TRIM44: variants seen among roughly 807,000 people sequenced by gnomAD.
TRIM44 encodes the protein tripartite motif containing 44.
A neutral mutation model predicts 37.4 loss-of-function variants in TRIM44; 13 were observed. The observed-to-expected ratio is 0.35, with a 90% CI of 0.23 to 0.55. TRIM44 has a LOEUF of 0.55. Among genes scored for constraint, TRIM44 ranks in the 20% least tolerant of loss-of-function variants. The pLI is 0.89. For synonymous variants in TRIM44, 175 were observed against 157.2 expected (o/e 1.11, Z -0.85); for missense variants, 426 against 437.2 (o/e 0.97, Z 0.23).
chr11:35,787,663 C>T (rs1853147729), intron 4 of TRIM44, among the ~76,000 whole-genome samples: 1 of 152,216 alleles, frequency 6.6e-6, no homozygotes, highest in Non-Finnish European at 1.5e-5. Context: ...TACTTGCCTT[C>T]AAGCAGCAGT....
chr11:35,728,867 A>T (rs549253580), intron 3 of TRIM44, among the ~76,000 whole-genome samples: 2 of 152,180 alleles, frequency 1.3e-5, no homozygotes, highest in African/African-American at 4.8e-5. Flanking sequence ...CATCTTTTCA[A>T]CCTTCCACTC....
intron 1 of TRIM44, among the ~76,000 whole-genome samples, chr11:35,682,719 G>A (rs1219113932): frequency 6.6e-6 from 1 of 152,138 alleles, no homozygotes; most frequent in Non-Finnish European, 1.5e-5. Flanking sequence ...CGATGCTGCT[G>A]ATGCTTTGTG....
chr11:35,668,760 C>T (rs1232121449), intron 1 of TRIM44, among the ~76,000 whole-genome samples: 1 of 152,178 alleles, frequency 6.6e-6, no homozygotes, highest in Non-Finnish European at 1.5e-5. Context: ...TATTGTTTTA[C>T]ATAGTATTTT....
At chr11:35,676,765 T>C (rs1357218603) in intron 1 of TRIM44, among the ~76,000 whole-genome samples, 1 of 152,190 alleles carries the variant, frequency 6.6e-6, no homozygotes, top group East Asian at 1.9e-4. Flanking sequence ...GTGTGAACCC[T>C]GGCAGGCTCT....
chr11:35,776,941 G>C (rs562558773), intron 4 of TRIM44, among the ~76,000 whole-genome samples: 176 of 152,328 alleles, frequency 1.2e-3, no homozygotes, highest in Admixed American at 2.8e-3. Flanking sequence ...GTTGATTTGG[G>C]GTGGAGAGTT....
At chr11:35,805,408 C>T (rs1433654540) in intron 4 of TRIM44, among the ~76,000 whole-genome samples, 2 of 152,176 alleles carry the variant, frequency 1.3e-5, no homozygotes, top group African/African-American at 4.8e-5. Context: ...TGCCCCAGTC[C>T]CTGTACCAAC....
chr11:35,765,068 A>G (rs1434651397), intron 4 of TRIM44, among the ~76,000 whole-genome samples: 1 of 152,142 alleles, frequency 6.6e-6, no homozygotes, highest in Non-Finnish European at 1.5e-5. Flanking sequence ...TGTTTCTAAA[A>G]TGAGAGGCCA....
At chr11:35,784,114 T>A (rs1444490773) in intron 4 of TRIM44, among the ~76,000 whole-genome samples, 1 of 152,140 alleles carries the variant, frequency 6.6e-6, no homozygotes, top group Non-Finnish European at 1.5e-5. Flanking sequence ...GTTCATGACG[T>A]AGAAGATAAT....
chr11:35,720,876 A>G (rs1008696556), intron 2 of TRIM44, among the ~76,000 whole-genome samples: 16 of 150,494 alleles, frequency 1.1e-4, no homozygotes, highest in Admixed American at 6.0e-4. Flanking sequence ...CATACTTGGT[A>G]TATATCCCTC....
intron 3 of TRIM44, among the ~76,000 whole-genome samples, chr11:35,727,461 G>A (rs968002593): frequency 2.6e-5 from 4 of 152,188 alleles, no homozygotes; most frequent in Non-Finnish European, 5.9e-5. Context: ...GACAGGAAAT[G>A]TAAGAAACCA....
chr11:35,701,797 A>C (rs572455421), intron 2 of TRIM44, among the ~76,000 whole-genome samples: 30 of 152,294 alleles, frequency 2.0e-4, no homozygotes, highest in Middle Eastern at 3.4e-3. Context: ...GTATTAACCC[A>C]AACTTTATAG....
At chr11:35,782,298 C>T (rs939534034) in intron 4 of TRIM44, among the ~76,000 whole-genome samples, 3 of 151,942 alleles carry the variant, frequency 2.0e-5, no homozygotes, top group Non-Finnish European at 2.9e-5. Context: ...CAGTTGGATC[C>T]AAGGGAATGA....
Position 35,711,474 on chromosome 11 carries a change from T to G in TRIM44, c.748-14450T>G, listed in dbSNP as rs932509037. 5.9e-5 allele frequency among the ~76,000 whole-genome samples: 9 copies of G among 151,934 alleles called. 1 individual carries two copies. The highest frequency in any genetic ancestry group is 2.2e-4 in the African/African-American group (9 of 41,372). On this transcript the variant is annotated intron_variant, in intron 2 of 4. Transcript: ENST00000299413. ...TTCATTTCTCAGATTTTTTGTTTTTTTTTTTTTCAGTTCCAAAATAGGGAA... is the reference window on the plus strand; with the variant it reads ...TTCATTTCTCAGATTTTTTGTTTTTGTTTTTTTCAGTTCCAAAATAGGGAA...
intron 4 of TRIM44, among the ~76,000 whole-genome samples, chr11:35,795,003 T>C (rs1853262176): frequency 6.6e-6 from 1 of 152,206 alleles, no homozygotes; most frequent in Non-Finnish European, 1.5e-5. Context: ...CAGGACAGCA[T>C]CTGAAAAGAT....
chr11:35,751,593 T>C (rs539659179), intron 4 of TRIM44, among the ~76,000 whole-genome samples: 1 of 152,334 alleles, frequency 6.6e-6, no homozygotes, highest in African/African-American at 2.4e-5. Flanking sequence ...GTAATGATAG[T>C]ACGTAAGAAA....
chr11:35,775,614 A>G (rs1852945836), intron 4 of TRIM44, among the ~76,000 whole-genome samples: 1 of 152,142 alleles, frequency 6.6e-6, no homozygotes, highest in South Asian at 2.1e-4. Flanking sequence ...GTTTGTGATA[A>G]ATAGCTCTTA....
chr11:35,757,481 T>C (rs1200403076), intron 4 of TRIM44, among the ~76,000 whole-genome samples: 2 of 152,224 alleles, frequency 1.3e-5, no homozygotes, highest in Non-Finnish European at 2.9e-5. Flanking sequence ...TGAAGGGTTT[T>C]TTATGTCTGT....
chr11:35,663,978 G>T (rs1428959033), intron 1 of TRIM44, among the ~76,000 whole-genome samples, 198 bp downstream of exon 1: 1 of 152,112 alleles, frequency 6.6e-6, no homozygotes. Context: ...ACTCTGACCT[G>T]AGAAAATACA....
At chr11:35,805,206 A>G (rs554887261) in intron 4 of TRIM44, among the ~76,000 whole-genome samples, 1 of 152,334 alleles carries the variant, frequency 6.6e-6, no homozygotes, top group Admixed American at 6.5e-5. Flanking sequence ...TAGCCCCTAC[A>G]TAATAGGAAG....
Sources: gnomAD v4.1 joint callset for allele counts (sites outside exome capture counted in the v4.1 genomes callset) on GRCh38, gnomAD v4.1.1 for gene constraint, MANE v1.5 for transcripts, NCBI Gene and HGNC (gene_info 2026-07-23, HGNC 2026-07-21) for gene names.